Variants in NLK observed in about 807,000 individuals in gnomAD.
The protein encoded by NLK is serine/threonine-protein kinase NLK.
A neutral mutation model predicts 59.0 loss-of-function variants in NLK; 11 were observed. The ratio of observed to expected loss-of-function variants is 0.19; its 90% CI spans 0.12 to 0.31. The LOEUF (loss-of-function observed/expected upper bound fraction) is 0.31. Ranked by LOEUF, NLK falls within the 10% of genes least tolerant of loss-of-function variation. The pLI, the probability that NLK is intolerant of heterozygous loss-of-function variation, is 1.00. For synonymous variants in NLK, 235 were observed against 235.9 expected (o/e 1.00, Z 0.03); for missense variants, 410 against 661.1 (o/e 0.62, Z 4.16).
At chr17:28,202,337 T>C in the NLK span, among the ~76,000 whole-genome samples, 1 of 152,148 alleles carries the variant, frequency 6.6e-6, no homozygotes, top group African/African-American at 2.4e-5. Flanking sequence ...TTGAAGTTAC[T>C]GTGAGCCATG....
At chr17:28,167,946 G>C (rs1908307109) in intron 5 of NLK, among the ~76,000 whole-genome samples, 2 of 152,172 alleles carry the variant, frequency 1.3e-5, no homozygotes, top group South Asian at 4.2e-4. Context: ...AGAAAATGAT[G>C]TAAGTTTGAG....
chr17:28,171,910 T>A (rs1195445197), intron 6 of NLK, among the ~76,000 whole-genome samples: 1 of 152,086 alleles, frequency 6.6e-6, no homozygotes, highest in African/African-American at 2.4e-5. Context: ...ATTTCTATCA[T>A]ATAAATAGGA....
Position 28,155,416 on chromosome 17 carries a change from G to A in NLK, c.645-5744G>A, listed in dbSNP as rs142224167. 3.4e-3 allele frequency among the ~76,000 whole-genome samples: 521 copies of A among 152,158 alleles called. 1 individual carries two copies. Among genetic ancestry groups the A allele is most frequent in the Middle Eastern group, 0.01 (3 of 294 alleles). On this transcript the variant is annotated intron_variant, in intron 3 of 10. Coordinates refer to ENST00000407008, the MANE Select transcript of NLK (RefSeq NM_016231.5). ...AACTAGAAATACCATTTGACCCAGCGATCCCATTACTGGTTATATACCCAA... is the reference window on the plus strand; with the variant it reads ...AACTAGAAATACCATTTGACCCAGCAATCCCATTACTGGTTATATACCCAA...
At chr17:28,189,852 A>G (rs1909247058) in intron 8 of NLK, among the ~76,000 whole-genome samples, 1 of 152,260 alleles carries the variant, frequency 6.6e-6, no homozygotes, top group South Asian at 2.1e-4. Context: ...GGAAAAAAAA[A>G]CAAGGTTATC....
Position 28,131,919 on chromosome 17 carries a change from C to T in NLK, c.589-701C>T, listed in dbSNP as rs201289387. 1.6e-4 allele frequency among the ~76,000 whole-genome samples: 25 copies of T among 152,078 alleles called. No homozygotes were observed. In the East Asian group the frequency reaches 4.1e-3, roughly 25 times the overall value. ...TTTGTGTAGTGTATTTCATGTCTTC[C>T]TCTTCTACTTTATGTTAGTCTATTT... On this transcript the variant is annotated intron_variant, in intron 2 of 10. Transcript: ENST00000407008.
chr17:28,094,749 A>G (rs1904640202), intron 1 of NLK, among the ~76,000 whole-genome samples: 2 of 152,186 alleles, frequency 1.3e-5, no homozygotes, highest in Non-Finnish European at 2.9e-5. Flanking sequence ...TTCTTGGATT[A>G]CAAAAGTTCA....
intron 10 of NLK, among the ~76,000 whole-genome samples, chr17:28,193,472 G>A (rs527879512): frequency 6.6e-6 from 1 of 152,178 alleles, no homozygotes. Context: ...AACCAAGGAA[G>A]GGAGACTGCT....
chr17:28,135,755 CTT>C (rs1906719873), intron 3 of NLK, among the ~76,000 whole-genome samples: 1 of 152,172 alleles, frequency 6.6e-6, no homozygotes, highest in South Asian at 2.1e-4. Flanking sequence ...TCATTGAACA[CTT>C]AGTTAATTCA....
chr17:28,131,298 T>A (rs1268799274), intron 2 of NLK, among the ~76,000 whole-genome samples: 1 of 151,636 alleles, frequency 6.6e-6, no homozygotes, highest in Non-Finnish European at 1.5e-5. Flanking sequence ...CTAACAAACT[T>A]TTTTTTTAAT....
At chr17:28,177,169 G>T (rs1908715794) in intron 7 of NLK, among the ~76,000 whole-genome samples, 1 of 152,102 alleles carries the variant, frequency 6.6e-6, no homozygotes, top group Non-Finnish European at 1.5e-5. Flanking sequence ...GGCGAAAGTG[G>T]TGGAGGAGGT....
downstream of NLK, among the ~76,000 whole-genome samples, chr17:28,197,455 T>C (rs113013768): frequency 0.039 from 5,806 of 147,138 alleles, 354 homozygotes; most frequent in African/African-American, 0.14. Flanking sequence ...GGCAACAGAG[T>C]GAGATTCTGT....
intron 5 of NLK, among the ~76,000 whole-genome samples, chr17:28,167,604 C>T (rs1908291063): frequency 6.6e-6 from 1 of 151,532 alleles, no homozygotes; most frequent in Non-Finnish European, 1.5e-5. Context: ...TATCCCAGCA[C>T]TTTGGGAGGC....
intron 5 of NLK, among the ~76,000 whole-genome samples, chr17:28,164,473 T>C (rs1908140828): frequency 6.6e-6 from 1 of 152,096 alleles, no homozygotes; most frequent in African/African-American, 2.4e-5. Context: ...TAATTATTCC[T>C]CTGAAGAGGA....
At chr17:28,108,233 T>A (rs1238689738) in intron 1 of NLK, among the ~76,000 whole-genome samples, 2 of 151,932 alleles carry the variant, frequency 1.3e-5, no homozygotes, top group Admixed American at 6.6e-5. Context: ...TAAAAAAAAA[T>A]AATTAACATA....
intron 5 of NLK, among the ~76,000 whole-genome samples, chr17:28,164,875 A>C (rs1908159275): frequency 6.6e-6 from 1 of 152,190 alleles, no homozygotes; most frequent in Non-Finnish European, 1.5e-5. Context: ...ATTTCTCTGA[A>C]CTGTAGGTCA....
At chr17:28,113,035 GACTCATCCTTTTAAAAAGTT>G (rs1346097140) in intron 1 of NLK, among the ~76,000 whole-genome samples, 2 of 152,256 alleles carry the variant, frequency 1.3e-5, no homozygotes, top group East Asian at 3.9e-4. Context: ...ATAATGGAAA[GACTCATCCTTTTAAAAAGTT>G]ACTCATCCTT....
In NLK at chr17:28,043,081, T is replaced by TCGGGAGCTG. The variant is rs778782986; in HGVS notation, c.211_212insGAGCTGCGG (p.Ser70_Ala71insGlyAlaAla). On this transcript the variant is annotated inframe_insertion, in exon 1 of 11. Coordinates refer to ENST00000407008, the MANE Select transcript of NLK (RefSeq NM_016231.5). ...ACACCCTGTACAGCAGCACACCTCT[T>TCGGGAGCTG]CGGCAGCTGCGGCAGCCGCAGCAGC... 2.5e-6 allele frequency: 4 copies of TCGGGAGCTG among 1,572,264 alleles called. No individual in the cohort carries two copies. In the Admixed American group the frequency reaches 7.7e-5, roughly 30 times the overall value.
At chr17:28,136,713 C>T (rs1906762980) in intron 3 of NLK, among the ~76,000 whole-genome samples, 1 of 152,146 alleles carries the variant, frequency 6.6e-6, no homozygotes, top group South Asian at 2.1e-4. Context: ...AAGAGATTCT[C>T]ATGCCTCAGC....
Position 28,042,824 on chromosome 17 carries a change from A to T in NLK, c.-50A>T. 6.9e-7 allele frequency: 1 copy of T among 1,446,582 alleles called. No homozygotes were observed. Among genetic ancestry groups the T allele is most frequent in the South Asian group, 1.5e-5 (1 of 68,606 alleles). 89.6% of individuals were successfully genotyped at this position (1,446,582 alleles called of 1,614,324 possible). A position where few individuals can be genotyped will look rare whatever the true frequency, so the allele number is the denominator to read the frequency against. ...GTTTTTCTTCATTTTTAAATGGCCAAATGACAGCTTGACCCAGTTTGCTTT... is the reference window on the plus strand; with the variant it reads ...GTTTTTCTTCATTTTTAAATGGCCATATGACAGCTTGACCCAGTTTGCTTT... On this transcript the variant is annotated 5_prime_UTR_variant, in exon 1 of 11. Transcript: ENST00000407008.
Sources: allele counts gnomAD v4.1 joint callset (sites outside exome capture counted in the v4.1 genomes callset), GRCh38; gene constraint gnomAD v4.1.1; transcripts MANE v1.5; gene names NCBI Gene and HGNC (gene_info 2026-07-23, HGNC 2026-07-21).